OCM: variants seen among roughly 807,000 people sequenced by gnomAD.
OCM encodes the protein oncomodulin-1.
A neutral mutation model predicts 14.1 loss-of-function variants in OCM; 18 were observed. The observed-to-expected ratio is 1.28, with a 90% CI of 0.88 to 1.89. The LOEUF is 1.89. Among genes scored for constraint, OCM ranks in the 40% most tolerant of loss-of-function variants. The pLI, the probability that OCM is intolerant of heterozygous loss-of-function variation, is 0.00. For synonymous variants in OCM, 48 were observed against 51.0 expected, an observed-to-expected ratio of 0.94 and a Z score of 0.25; for missense variants, 140 against 137.6, an observed-to-expected ratio of 1.02 and a Z score of -0.09.
At chr7:5,884,960 A>G (rs1226385877) in intron 3 of OCM, among the ~76,000 whole-genome samples, 1 of 152,012 alleles carries the variant, frequency 6.6e-6, no homozygotes, top group Non-Finnish European at 1.5e-5. Context: ...CTCTATTGAA[A>G]ATATAAAAAA....
intron 2 of OCM, 22 bp downstream of exon 2, chr7:5,882,647 T>C: frequency 6.2e-7 from 1 of 1,613,622 alleles, no homozygotes; most frequent in East Asian, 2.2e-5. Flanking sequence ...CCTGAGTCTG[T>C]CTGGTACCCG....
At chr7:5,871,314 C>A in the OCM span, among the ~76,000 whole-genome samples, 4 of 150,404 alleles carry the variant, frequency 2.7e-5, no homozygotes, top group African/African-American at 9.8e-5. Flanking sequence ...ATGATTGAAC[C>A]ACAGCACTCA....
chr7:5,873,201 C>T, the OCM span, among the ~76,000 whole-genome samples: 1 of 151,982 alleles, frequency 6.6e-6, no homozygotes, highest in South Asian at 2.1e-4. Flanking sequence ...ATGGTAAAAC[C>T]CTGTCTCTAC....
the OCM span, among the ~76,000 whole-genome samples, chr7:5,864,719 C>T: frequency 7.2e-4 from 110 of 152,154 alleles, 1 homozygote; most frequent in Admixed American, 4.6e-3. Flanking sequence ...CTTTGGGAGG[C>T]CAAGCCAGGC....
At chr7:5,860,978 C>T in the OCM span, among the ~76,000 whole-genome samples, 1 of 151,784 alleles carries the variant, frequency 6.6e-6, no homozygotes, top group Non-Finnish European at 1.5e-5. Flanking sequence ...GTGAAAACTG[C>T]TGGAGAACTT....
At chr7:5,868,791 G>A in the OCM span, among the ~76,000 whole-genome samples, 17 of 152,256 alleles carry the variant, frequency 1.1e-4, no homozygotes, top group East Asian at 9.7e-4. Context: ...GGCCGAGCAC[G>A]GTGGCTGATG....
chr7:5,861,810 C>T, the OCM span, among the ~76,000 whole-genome samples: 1 of 152,050 alleles, frequency 6.6e-6, no homozygotes, highest in Non-Finnish European at 1.5e-5. Flanking sequence ...AACCCCTGGG[C>T]TCAAGTGATC....
chr7:5,882,843 T>A (rs1357359358), intron 2 of OCM, among the ~76,000 whole-genome samples: 1,649 of 65,412 alleles, frequency 0.025, 30 homozygotes, highest in African/African-American at 0.054. Context: ...AAAGATTCTT[T>A]TTTTTTTTTT....
chr7:5,880,523 C>G (rs1014234911), upstream of OCM, among the ~76,000 whole-genome samples: 3 of 152,096 alleles, frequency 2.0e-5, no homozygotes, highest in African/African-American at 7.2e-5. Flanking sequence ...CTTTGTGAGG[C>G]CAAGGCAGGC....
upstream of OCM, among the ~76,000 whole-genome samples, chr7:5,880,508 C>G (rs1781188466): frequency 6.6e-6 from 1 of 152,114 alleles, no homozygotes; most frequent in African/African-American, 2.4e-5. Context: ...TCTGTCATCC[C>G]AGCACTTTGT....
At chr7:5,882,302 G>A (rs1299057629) in intron 1 of OCM, among the ~76,000 whole-genome samples, 191 bp from the exon 2 acceptor site, 1 of 151,942 alleles carries the variant, frequency 6.6e-6, no homozygotes, top group East Asian at 1.9e-4. Context: ...GAAGACTGGG[G>A]CGGAGGGGAC....
At chr7:5,859,998 T>C in the OCM span, among the ~76,000 whole-genome samples, 1 of 151,992 alleles carries the variant, frequency 6.6e-6, no homozygotes, top group Admixed American at 6.6e-5. Context: ...AGTGTTTTTT[T>C]ATTGGATGGT....
the OCM span, among the ~76,000 whole-genome samples, chr7:5,863,964 G>T: frequency 6.6e-6 from 1 of 152,080 alleles, no homozygotes; most frequent in African/African-American, 2.4e-5. Context: ...TAAGGAGAAG[G>T]CAAGGTCATC....
chr7:5,883,520 C>G (rs1457155795), intron 2 of OCM, among the ~76,000 whole-genome samples: 2 of 150,466 alleles, frequency 1.3e-5, no homozygotes, highest in Non-Finnish European at 3.0e-5. Flanking sequence ...CTTGTCTCTA[C>G]AAAAAAAAAT....
At chr7:5,881,019 T>C in intron 1 of OCM, 69 bp downstream of exon 1, 1 of 1,529,644 alleles carries the variant, frequency 6.5e-7, no homozygotes, top group Non-Finnish European at 9.1e-7. Flanking sequence ...CAACACAAAA[T>C]CAAAATGTAG....
chr7:5,875,621 C>G (rs550000969), upstream of OCM, among the ~76,000 whole-genome samples: 4 of 151,714 alleles, frequency 2.6e-5, no homozygotes, highest in Non-Finnish European at 5.9e-5. Flanking sequence ...TCTCTGGTAT[C>G]TTTATTTTCT....
At chr7:5,877,882 G>C (rs575481056), upstream of OCM, among the ~76,000 whole-genome samples, 2 of 149,042 alleles carry the variant, frequency 1.3e-5, no homozygotes, top group African/African-American at 4.9e-5. Context: ...GATGAAACTT[G>C]AGGACATTAT....
the OCM span, among the ~76,000 whole-genome samples, chr7:5,868,940 G>A: frequency 1.8e-4 from 27 of 152,108 alleles, no homozygotes; most frequent in Non-Finnish European, 2.8e-4. Context: ...GTGTCCGCCT[G>A]TAATCCCAGC....
the OCM span, among the ~76,000 whole-genome samples, chr7:5,864,671 T>C: frequency 6.6e-6 from 1 of 151,078 alleles, no homozygotes; most frequent in Non-Finnish European, 1.5e-5. Flanking sequence ...ATAAATCAAA[T>C]AGGCCGGGCA....
Sources: gnomAD v4.1 joint callset for allele counts (sites outside exome capture counted in the v4.1 genomes callset) on GRCh38, gnomAD v4.1.1 for gene constraint, MANE v1.5 for transcripts, NCBI Gene and HGNC (gene_info 2026-07-23, HGNC 2026-07-21) for gene names.